Variants in PCSK1 observed in about 807,000 individuals in gnomAD.
The protein encoded by PCSK1 is proprotein convertase subtilisin/kexin type 1.
A neutral mutation model predicts 90.6 loss-of-function variants in PCSK1; 56 were observed. That is an observed-to-expected ratio of 0.62 (90% CI 0.50 to 0.77). PCSK1 has a LOEUF of 0.77. PCSK1 is among the 30% of genes least tolerant of loss of function. The probability of loss-of-function intolerance (pLI) is 0.00; values close to 1 mark genes in which losing one functional copy is unlikely to be tolerated. For missense variants in PCSK1, 801 were observed against 932.6 expected (o/e 0.86, Z 1.84); for synonymous variants, 348 against 342.4 (o/e 1.02, Z -0.18).
intron 2 of PCSK1, among the ~76,000 whole-genome samples, chr5:96,428,369 T>C (rs1232466918): frequency 6.6e-6 from 1 of 152,192 alleles, no homozygotes; most frequent in Non-Finnish European, 1.5e-5. Context: ...TACACAGATA[T>C]CAGGCGAATC....
Position 96,397,463 on chromosome 5 carries a change from C to T in PCSK1, c.1595G>A (p.Ser532Asn). The T allele has an allele frequency of 6.2e-7, 1 of 1,612,880 alleles. No homozygotes were observed. Among genetic ancestry groups the T allele is most frequent in the Non-Finnish European group, 8.5e-7 (1 of 1,178,944 alleles). Residue 532 changes from serine (S) to asparagine (N), a missense_variant, in exon 12 of 14, where the codon AGC (serine) becomes AAC (asparagine). By Grantham distance (46) the Ser-to-Asn change is conservative (BLOSUM62 1). Transcript: ENST00000311106. ...TTCTCTTTCAGCCAAGAGCACAGTG[C>T]TAGTTCCTATGAAACAAATACAAGT... ...HVTLTSAAGT[S>N]TVLLAERERD...
intron 9 of PCSK1, among the ~76,000 whole-genome samples, chr5:96,402,118 A>C (rs1343022202): frequency 6.6e-6 from 1 of 152,198 alleles, no homozygotes; most frequent in Non-Finnish European, 1.5e-5. Context: ...TTCTCCCCAG[A>C]GCCCATCATG....
At chr5:96,432,022 A>G (rs1761518835) in intron 1 of PCSK1, 3 of 1,224,210 alleles carry the variant, frequency 2.5e-6, no homozygotes, top group East Asian at 5.1e-5. Flanking sequence ...CTACCTATCG[A>G]CCAAGCCTTC....
At chr5:96,424,774 C>T (rs1325184081) in intron 3 of PCSK1, among the ~76,000 whole-genome samples, 1 of 151,830 alleles carries the variant, frequency 6.6e-6, no homozygotes, top group Non-Finnish European at 1.5e-5. Flanking sequence ...ACCAGACTGA[C>T]CAATGTGACA....
intron 2 of PCSK1, among the ~76,000 whole-genome samples, chr5:96,428,722 A>G (rs959361428): frequency 6.6e-6 from 1 of 152,210 alleles, no homozygotes; most frequent in Non-Finnish European, 1.5e-5. Context: ...GCAAAACCAA[A>G]TAGAAATAAT....
In PCSK1 at chr5:96,398,791, G is replaced by T. The variant is rs958110697; in HGVS notation, c.1588+88C>A. The T allele has an allele frequency of 1.9e-5, 21 of 1,106,788 alleles. No individual in the cohort carries two copies. In the African/African-American group the frequency reaches 2.3e-4, roughly 12 times the overall value. The allele number at this position is 1,106,788 out of a possible 1,614,324, so 68.6% of individuals were successfully genotyped here. Reference sequence around the variant, plus strand: ...CTGAAAATATCTATTAGGAGACTTTGTTCTATGAATAAACAAAAGCAATCA... The same window carrying T: ...CTGAAAATATCTATTAGGAGACTTTTTTCTATGAATAAACAAAAGCAATCA... On this transcript the variant is annotated intron_variant, in intron 11 of 13. Transcript: ENST00000311106.
chr5:96,406,233 C>T (rs1319160725), intron 9 of PCSK1, among the ~76,000 whole-genome samples: 5 of 152,162 alleles, frequency 3.3e-5, no homozygotes, highest in Non-Finnish European at 7.3e-5. Context: ...CCGAAGGCCA[C>T]ATAGCTAGTG....
At position 96,400,205 on chromosome 5, in the gene PCSK1, A is replaced by T; in HGVS notation, c.1197-19T>A. ...ATTTGGGCTGGAGGGGAAGTGACCC[A>T]AAGTGTCTTTCAGAGAAAAATGAAG... On this transcript the variant is annotated intron_variant, in intron 9 of 13. Transcript: ENST00000311106. 6.4e-7 allele frequency: 1 copy of T among 1,559,378 alleles called. No homozygotes were observed. The highest frequency in any genetic ancestry group is 8.8e-7 in the Non-Finnish European group (1 of 1,129,990).
intron 8 of PCSK1, among the ~76,000 whole-genome samples, chr5:96,409,765 TC>T (rs1434002717): frequency 1.3e-5 from 2 of 152,122 alleles, no homozygotes; most frequent in African/African-American, 4.8e-5. Context: ...ATAAAACCCC[TC>T]GGTAGAATGC....
chr5:96,430,664 C>A (rs533734824), intron 1 of PCSK1, among the ~76,000 whole-genome samples: 15 of 152,212 alleles, frequency 9.9e-5, no homozygotes, highest in Non-Finnish European at 2.1e-4. Flanking sequence ...TAAGCAGAAC[C>A]AGGAACGTGC....
At chr5:96,413,351 C>T (rs1324157565) in intron 6 of PCSK1, among the ~76,000 whole-genome samples, 1 of 152,208 alleles carries the variant, frequency 6.6e-6, no homozygotes, top group Admixed American at 6.5e-5. Flanking sequence ...GGACAGATTA[C>T]AGGCAGCTAC....
chr5:96,408,875 T>C (rs1282810005), intron 8 of PCSK1, among the ~76,000 whole-genome samples: 1 of 152,236 alleles, frequency 6.6e-6, no homozygotes, highest in Non-Finnish European at 1.5e-5. Context: ...TGAGTTGGTG[T>C]CCACATTTAC....
chr5:96,432,801 G>A, intron 1 of PCSK1, 62 bp downstream of exon 1: 1 of 1,420,282 alleles, frequency 7.0e-7, no homozygotes, highest in African/African-American at 1.4e-5. Context: ...TTGGAAGACC[G>A]CGCTCCAGTC....
rs759857993 is a variant in PCSK1, at chr5:96,423,443, G to T, written c.413C>A (p.Thr138Lys). ...QQWYLQDTRM[T>K]AALPKLDLHV... is the part of the protein sequence containing the mutation. The stretch of plus-strand genomic sequence containing the variant: ...AAGGTCCAGCTTGGGCAGGGCTGCC[G>T]TCATCCTGGTATCTTGCTGGTAAAG... Residue 138 changes from threonine (T) to lysine (K), a missense_variant, in exon 4 of 14, where the codon ACG becomes AAG. Physicochemically the swap from Thr to Lys is moderately conservative, Grantham distance 78. Transcript: ENST00000311106. The T allele has an allele frequency of 6.8e-6, 11 of 1,613,942 alleles. 1 individual carries two copies. The South Asian group carries it at 1.2e-4, about 18-fold the overall frequency.
chr5:96,427,361 T>C (rs1034235108), intron 2 of PCSK1, among the ~76,000 whole-genome samples: 14 of 152,160 alleles, frequency 9.2e-5, no homozygotes, highest in African/African-American at 2.7e-4. Context: ...TAGAGGAAAA[T>C]TGGTAGTGTC....
intron 12 of PCSK1, 126 bp downstream of exon 12, chr5:96,397,210 C>T (rs1315242036): frequency 1.2e-6 from 1 of 813,568 alleles, no homozygotes; most frequent in Non-Finnish European, 2.1e-6. Context: ...CTCTACTTTT[C>T]CCTTACTTCT....
At chr5:96,400,212 C>G in intron 9 of PCSK1, 26 bp from the exon 10 acceptor site, 1 of 1,531,484 alleles carries the variant, frequency 6.5e-7, no homozygotes, top group Non-Finnish European at 9.1e-7. Context: ...CCCAAAGTGT[C>G]TTTCAGAGAA....
rs1460160220 is a variant in PCSK1, at chr5:96,408,242, C to T, written c.1177G>A (p.Ala393Thr). The change falls in exon 9 of 14, where the codon GCT becomes ACT. Residue 393 changes from alanine to threonine, a missense_variant. Coordinates refer to ENST00000311106, the MANE Select transcript of PCSK1 (RefSeq NM_000439.5). The stretch of plus-strand genomic sequence containing the variant: ...CCTTACTTTGCTTCCAGGGCCAGAG[C>T]GAAGATGCCAGCAGCCAGAGGTGCA... ...ASAPLAAGIF[A>T]LALEANPNLT... 6 of 1,613,802 alleles carry T rather than the reference C, an allele frequency of 3.7e-6. No homozygotes were observed. Among genetic ancestry groups the T allele is most frequent in the East Asian group, 2.2e-5 (1 of 44,882 alleles).
At chr5:96,404,948 T>A (rs527584170) in intron 9 of PCSK1, among the ~76,000 whole-genome samples, 1 of 152,340 alleles carries the variant, frequency 6.6e-6, no homozygotes, top group Admixed American at 6.5e-5. Flanking sequence ...TTATTCTTGA[T>A]AAGTTTAGGC....
Sources: allele counts gnomAD v4.1 joint callset (sites outside exome capture counted in the v4.1 genomes callset), GRCh38; gene constraint gnomAD v4.1.1; transcripts MANE v1.5; gene names NCBI Gene and HGNC (gene_info 2026-07-23, HGNC 2026-07-21).